Variants in GALNT12 observed in about 807,000 individuals in gnomAD.
The protein encoded by GALNT12 is UDP-GalNAc:polypeptide N-acetylgalactosaminyltransferase 12.
GALNT12 carries 45 observed loss-of-function variants against 55.5 expected under a neutral mutation model. The observed-to-expected ratio is 0.81, with a 90% CI of 0.64 to 1.04. The LOEUF (loss-of-function observed/expected upper bound fraction) is 1.04. Ranked by LOEUF, GALNT12 falls within the 50% of genes least tolerant of loss-of-function variation. The pLI is 0.00. For missense variants in GALNT12, 709 were observed against 754.8 expected, an observed-to-expected ratio of 0.94 and a Z score of 0.71; for synonymous variants, 304 against 312.2, an observed-to-expected ratio of 0.97 and a Z score of 0.28.
intron 3 of GALNT12, 74 bp downstream of exon 3, chr9:98,827,015 G>A: frequency 1.4e-6 from 2 of 1,471,128 alleles, no homozygotes; most frequent in Admixed American, 2.0e-5. Context: ...GACTCATCAC[G>A]TCACTTGAGG....
chr9:98,833,455 A>G (rs897201308), intron 4 of GALNT12, among the ~76,000 whole-genome samples: 1 of 152,158 alleles, frequency 6.6e-6, no homozygotes, highest in African/African-American at 2.4e-5. Flanking sequence ...CTGAGCAGGT[A>G]GAAGCCACTG....
chr9:98,814,015 G>T (rs886383453), intron 1 of GALNT12, among the ~76,000 whole-genome samples: 8 of 152,272 alleles, frequency 5.3e-5, no homozygotes, highest in South Asian at 4.2e-4. Context: ...AAAATATATT[G>T]GGTTCTATTA....
chr9:98,825,685 A>T (rs534102831), intron 2 of GALNT12, among the ~76,000 whole-genome samples: 6 of 152,296 alleles, frequency 3.9e-5, no homozygotes, highest in South Asian at 2.1e-4. Flanking sequence ...GGATTTTTTT[A>T]AAAAATTGGC....
Position 98,827,818 on chromosome 9 carries a change from A to G in GALNT12, c.731+877A>G, listed in dbSNP as rs76392546. ...ATGCTTTTTAATATGTCTGGTTGTT[A>G]TAGAGGAAGGGTCCCTGAAAGTCAT... On this transcript the variant is annotated intron_variant, in intron 3 of 9. Transcript: ENST00000375011. Among the ~76,000 whole-genome samples the G allele has an allele frequency of 2.0e-3, 309 of 152,286 alleles. 4 individuals are homozygous for G. In the East Asian group the frequency reaches 0.052, roughly 26 times the overall value.
At chr9:98,808,315 C>T (rs1835422601) in intron 1 of GALNT12, among the ~76,000 whole-genome samples, 1 of 152,156 alleles carries the variant, frequency 6.6e-6, no homozygotes, top group Non-Finnish European at 1.5e-5. Flanking sequence ...CTCCCTTCTC[C>T]TTGAGAAGTT....
At chr9:98,830,930 G>A (rs1194513708) in intron 3 of GALNT12, among the ~76,000 whole-genome samples, 1 of 152,070 alleles carries the variant, frequency 6.6e-6, no homozygotes, top group African/African-American at 2.4e-5. Context: ...GGATTTTTAG[G>A]TCTCAAATTC....
At chr9:98,829,550 T>A (rs1835946534) in intron 3 of GALNT12, among the ~76,000 whole-genome samples, 1 of 152,126 alleles carries the variant, frequency 6.6e-6, no homozygotes, top group Non-Finnish European at 1.5e-5. Context: ...TCTGTTGTGC[T>A]AGCAACTGGT....
intron 1 of GALNT12, among the ~76,000 whole-genome samples, chr9:98,819,470 G>A (rs142701041): frequency 6.6e-5 from 10 of 152,308 alleles, no homozygotes; most frequent in Admixed American, 5.2e-4. Flanking sequence ...AGTGCCCAGA[G>A]CAGGGCCTCC....
At chr9:98,839,853 C>T in intron 6 of GALNT12, 149 bp from the exon 7 acceptor site, 7 of 934,160 alleles carry the variant, frequency 7.5e-6, no homozygotes, top group Non-Finnish European at 1.2e-5. Context: ...AGGATGTTTT[C>T]TATCCTCTGT....
At chr9:98,813,534 G>A (rs1234062563) in intron 1 of GALNT12, among the ~76,000 whole-genome samples, 1 of 146,864 alleles carries the variant, frequency 6.8e-6, no homozygotes, top group Non-Finnish European at 1.5e-5. Context: ...TTTTGCTCTT[G>A]TTGCCCAGGC....
At chr9:98,839,862 G>A (rs1836243550) in intron 6 of GALNT12, 140 bp from the exon 7 acceptor site, 2 of 1,005,774 alleles carry the variant, frequency 2.0e-6, no homozygotes, top group Non-Finnish European at 3.2e-6. Context: ...TCTATCCTCT[G>A]TGCTCCACAC....
chr9:98,811,683 CTTTT>C (rs34942139), intron 1 of GALNT12, among the ~76,000 whole-genome samples: 2 of 132,040 alleles, frequency 1.5e-5, no homozygotes, highest in Non-Finnish European at 1.6e-5. Context: ...CGAAGTCGTT[CTTTT>C]TTTTTTTTTT....
At chr9:98,809,142 A>G (rs559797622) in intron 1 of GALNT12, among the ~76,000 whole-genome samples, 1 of 152,206 alleles carries the variant, frequency 6.6e-6, no homozygotes, top group African/African-American at 2.4e-5. Context: ...ACTTGGCACC[A>G]TGCTGATCTC....
In GALNT12 at chr9:98,810,761, A is replaced by G. The variant is rs117597030; in HGVS notation, c.371+2692A>G. The stretch of plus-strand genomic sequence containing the variant: ...AGCCAGTATAGACCTGGGCCCCTCT[A>G]TGAATCTAATAATTTACATGCCAGT... On this transcript the variant is annotated intron_variant, in intron 1 of 9. Transcript: ENST00000375011. Among the ~76,000 whole-genome samples, 802 of 152,318 alleles carry G rather than the reference A, an allele frequency of 5.3e-3. 5 individuals are homozygous for G. Among genetic ancestry groups the G allele is most frequent in the South Asian group, 0.023 (113 of 4,826 alleles).
chr9:98,841,069 A>T (rs1044260371), intron 7 of GALNT12, among the ~76,000 whole-genome samples: 4 of 152,240 alleles, frequency 2.6e-5, no homozygotes, highest in African/African-American at 7.2e-5. Flanking sequence ...GATCCAAACA[A>T]GGTGCACACA....
At chr9:98,816,557 G>C (rs934315975) in intron 1 of GALNT12, among the ~76,000 whole-genome samples, 1 of 151,794 alleles carries the variant, frequency 6.6e-6, no homozygotes, top group East Asian at 1.9e-4. Context: ...ACTTGTGCAT[G>C]TTTGAAACAA....
intron 4 of GALNT12, among the ~76,000 whole-genome samples, chr9:98,834,532 G>T (rs1219094234): frequency 6.6e-6 from 1 of 152,228 alleles, no homozygotes; most frequent in Non-Finnish European, 1.5e-5. Context: ...GTTAGTGCTG[G>T]CTTCCAGATA....
rs1160216783 is a variant in GALNT12, at chr9:98,807,748, G to A, written c.50G>A (p.Gly17Asp). 2.5e-6 allele frequency: 3 copies of A among 1,185,832 alleles called. No homozygotes were observed. Among genetic ancestry groups the A allele is most frequent in the South Asian group, 4.9e-5 (2 of 40,690 alleles). 73.5% of individuals were successfully genotyped at this position (1,185,832 alleles called of 1,614,324 possible). Residue 17 changes from glycine (G) to aspartate (D), a missense_variant, in exon 1 of 10, where the codon GGC becomes GAC. Gly to Asp is a moderately conservative substitution (Grantham distance 94). This residue lies in a region of GALNT12 where 110 missense variants were observed against 102.2 expected (regional missense o/e 1.08). Transcript: ENST00000375011. Reference protein sequence around the residue: ...RRRCPRELRRGREALLVLLAL... With the variant: ...RRRCPRELRRDREALLVLLAL... ...CGCTGCCCGCGGGAACTGCGGCGCG[G>A]CCGGGAGGCGCTGTTGGTGCTCCTG... is the stretch of plus-strand genomic sequence containing the variant.
intron 4 of GALNT12, among the ~76,000 whole-genome samples, chr9:98,833,177 T>C (rs1836044733): frequency 6.6e-6 from 1 of 152,024 alleles, no homozygotes; most frequent in Non-Finnish European, 1.5e-5. Context: ...GGCTTCTTCC[T>C]CCCCTTCCAA....
Sources: gnomAD v4.1 joint callset for allele counts (sites outside exome capture counted in the v4.1 genomes callset) on GRCh38, gnomAD v4.1.1 for gene constraint, gnomAD v4.1.1 regional missense constraint, MANE v1.5 for transcripts, NCBI Gene and HGNC (gene_info 2026-07-23, HGNC 2026-07-21) for gene names.